Variants in MTMR7 observed in about 807,000 individuals in gnomAD.
The protein encoded by MTMR7 is phosphatidylinositol-3-phosphate phosphatase MTMR7.
In MTMR7, 76 loss-of-function variants were observed where a neutral mutation model predicts 81.2. That is an observed-to-expected ratio of 0.94 (90% CI 0.78 to 1.13). MTMR7 has a LOEUF of 1.13. MTMR7 is among the 50% of genes most tolerant of loss of function. The probability of loss-of-function intolerance (pLI) is 0.00; values close to 1 mark genes in which losing one functional copy is unlikely to be tolerated. For missense variants in MTMR7, 1,044 were observed against 820.0 expected, an observed-to-expected ratio of 1.27 and a Z score of -3.34; for synonymous variants, 372 against 289.8, an observed-to-expected ratio of 1.28 and a Z score of -2.88.
At position 17,313,319 on chromosome 8, in the gene MTMR7, T is replaced by C. The variant is rs941415693; in HGVS notation, c.948A>G (p.Ile316Met). The C allele has an allele frequency of 4.3e-6, 7 of 1,612,986 alleles. No individual in the cohort carries two copies. The highest frequency in any genetic ancestry group is 5.9e-6 in the Non-Finnish European group (7 of 1,179,202). ...NSGWLRHIKA[I>M]MDAGIFIAKA... is the part of the protein sequence containing the mutation. Reference sequence around the variant, plus strand: ...TTGCAATGAAGATTCCTGCATCCATTATGGCTTTAATGTGCCTTAACCAGC... The same window carrying C: ...TTGCAATGAAGATTCCTGCATCCATCATGGCTTTAATGTGCCTTAACCAGC... The change falls in exon 8 of 14, where the codon ATA becomes ATG. Residue 316 changes from isoleucine to methionine, a missense_variant. By Grantham distance (10) the Ile-to-Met change is conservative (BLOSUM62 1). Transcript: ENST00000180173.
At chr8:17,339,963 G>C (rs1295230407) in intron 6 of MTMR7, among the ~76,000 whole-genome samples, 1 of 151,908 alleles carries the variant, frequency 6.6e-6, no homozygotes, top group African/African-American at 2.4e-5. Context: ...TTTGTTTTTT[G>C]TTTTTGAGAT....
At chr8:17,366,596 T>C (rs1371057009) in intron 3 of MTMR7, among the ~76,000 whole-genome samples, 1 of 152,006 alleles carries the variant, frequency 6.6e-6, no homozygotes, top group Non-Finnish European at 1.5e-5. Context: ...TTAAAATAAC[T>C]GTAGTTGAGG....
chr8:17,341,223 C>A, intron 6 of MTMR7, 140 bp downstream of exon 6: 3 of 1,102,928 alleles, frequency 2.7e-6, no homozygotes, highest in Non-Finnish European at 3.8e-6. Context: ...AGCAGGGTGC[C>A]CAGACACTGA....
Position 17,367,867 on chromosome 8 carries a change from GGT to G in MTMR7, c.310+3168_310+3169del, listed in dbSNP as rs575417547. On this transcript the variant is annotated intron_variant, in intron 3 of 13. Coordinates refer to ENST00000180173, the MANE Select transcript of MTMR7 (RefSeq NM_004686.5). ...GCATTCTGCTGATGCTAAGGTTTGG[GGT>G]TTTTTTTTTTTTTTTCTATTTTTAA... Among the ~76,000 whole-genome samples, 641 of 146,088 alleles carry G rather than the reference GGT, an allele frequency of 4.4e-3. 5 individuals are homozygous for G. The highest frequency in any genetic ancestry group is 0.015 in the African/African-American group (594 of 38,348).
At chr8:17,322,720 G>A (rs111895056) in intron 7 of MTMR7, among the ~76,000 whole-genome samples, 40,743 of 151,928 alleles carry the variant, frequency 0.27, 6,394 homozygotes, top group East Asian at 0.42. Context: ...AGATACTCAG[G>A]AGGGTGAGGC....
At chr8:17,341,697 G>C (rs1490376575) in intron 5 of MTMR7, among the ~76,000 whole-genome samples, 200 bp from the exon 6 acceptor site, 1 of 152,156 alleles carries the variant, frequency 6.6e-6, no homozygotes, top group Admixed American at 6.5e-5. Context: ...GCAATACAAA[G>C]AACCTGTCTG....
At chr8:17,377,971 C>A (rs1465309892) in intron 1 of MTMR7, among the ~76,000 whole-genome samples, 1 of 152,008 alleles carries the variant, frequency 6.6e-6, no homozygotes, top group Non-Finnish European at 1.5e-5. Flanking sequence ...TACTTTGAGG[C>A]AAAAATATTT....
chr8:17,318,464 G>T (rs1364997092), intron 7 of MTMR7, among the ~76,000 whole-genome samples: 1 of 152,162 alleles, frequency 6.6e-6, no homozygotes, highest in African/African-American at 2.4e-5. Flanking sequence ...CAGTCATCTG[G>T]AACAGGCTTT....
chr8:17,411,875 A>G (rs559433917), intron 1 of MTMR7, among the ~76,000 whole-genome samples: 1 of 152,228 alleles, frequency 6.6e-6, no homozygotes, highest in African/African-American at 2.4e-5. Context: ...CTTGCTATCA[A>G]TATCCACAAC....
intron 3 of MTMR7, among the ~76,000 whole-genome samples, chr8:17,367,040 C>G (rs1349817504): frequency 6.6e-6 from 1 of 152,074 alleles, no homozygotes; most frequent in East Asian, 1.9e-4. Context: ...AATATTAGGA[C>G]TGTTAAAGCT....
chr8:17,363,820 C>G (rs2150559223), intron 3 of MTMR7, among the ~76,000 whole-genome samples: 1 of 151,640 alleles, frequency 6.6e-6, no homozygotes, highest in South Asian at 2.1e-4. Context: ...TGAATTGTTC[C>G]CATGTCATAA....
At chr8:17,340,486 C>T (rs745601458) in intron 6 of MTMR7, among the ~76,000 whole-genome samples, 1 of 152,186 alleles carries the variant, frequency 6.6e-6, no homozygotes, top group Non-Finnish European at 1.5e-5. Flanking sequence ...AGTCAATGCA[C>T]TTGTAGGTGA....
intron 1 of MTMR7, among the ~76,000 whole-genome samples, chr8:17,377,424 T>C (rs1178063919): frequency 6.6e-6 from 1 of 152,142 alleles, no homozygotes; most frequent in African/African-American, 2.4e-5. Context: ...ATACTGTGAA[T>C]TGTTTTCTTT....
rs1268448879 is a variant in MTMR7, at chr8:17,360,114, A to T, written c.468+1003T>A. 2.6e-5 allele frequency among the ~76,000 whole-genome samples: 4 copies of T among 152,234 alleles called. No individual in the cohort carries two copies. In the East Asian group the frequency reaches 7.7e-4, roughly 29 times the overall value. On this transcript the variant is annotated intron_variant, in intron 4 of 13. Coordinates refer to ENST00000180173, the MANE Select transcript of MTMR7 (RefSeq NM_004686.5). ...TAGGTAATACTATGCAGTGTTTTAC[A>T]AATATAATTATTGACAGAAAAATGT...
At chr8:17,406,776 C>A (rs960087486) in intron 1 of MTMR7, among the ~76,000 whole-genome samples, 1 of 152,102 alleles carries the variant, frequency 6.6e-6, no homozygotes, top group Non-Finnish European at 1.5e-5. Context: ...GGATTAGCCA[C>A]AGAACAGATA....
intron 3 of MTMR7, among the ~76,000 whole-genome samples, chr8:17,366,454 G>A (rs1270042054): frequency 1.3e-5 from 2 of 152,122 alleles, no homozygotes; most frequent in African/African-American, 2.4e-5. Context: ...TCAGCAGAAT[G>A]GGAAGGGTGG....
Position 17,302,266 on chromosome 8 carries a change from A to G in MTMR7, c.1508T>C (p.Met503Thr). ...CNFMYKFWSG[M>T]YNRFEKGMQP... is the part of the protein sequence containing the mutation. ...CATCCCCTTTTCAAAGCGGTTATAC[A>G]TTCCACTCCAAAACCTGGAAAGGAT... Residue 503 changes from methionine (M) to threonine (T), a missense_variant, in exon 13 of 14, where the codon ATG becomes ACG. Physicochemically the swap from Met to Thr is moderately conservative, Grantham distance 81. Coordinates refer to ENST00000180173, the MANE Select transcript of MTMR7 (RefSeq NM_004686.5). 7 of 1,613,262 alleles carry G rather than the reference A, an allele frequency of 4.3e-6. No individual in the cohort carries two copies. Among genetic ancestry groups the G allele is most frequent in the Non-Finnish European group, 5.9e-6 (7 of 1,179,658 alleles).
intron 3 of MTMR7, among the ~76,000 whole-genome samples, chr8:17,367,481 C>T (rs9325809): frequency 6.6e-6 from 1 of 151,900 alleles, no homozygotes; most frequent in Non-Finnish European, 1.5e-5. Flanking sequence ...TCTCATTTGA[C>T]CCACAACCCT....
chr8:17,384,347 G>A (rs1820861314), intron 1 of MTMR7, among the ~76,000 whole-genome samples: 1 of 152,132 alleles, frequency 6.6e-6, no homozygotes, highest in Admixed American at 6.5e-5. Context: ...GGAGTTTGAG[G>A]TTATAGTCAG....
Sources: allele counts gnomAD v4.1 joint callset (sites outside exome capture counted in the v4.1 genomes callset), GRCh38; gene constraint gnomAD v4.1.1; transcripts MANE v1.5; gene names NCBI Gene and HGNC (gene_info 2026-07-23, HGNC 2026-07-21).